The following FANCM variants were observed in gnomAD, a reference collection of about 807,000 sequenced individuals.
FANCM encodes Fanconi anemia group M protein.
Under a neutral mutation model 199.5 loss-of-function variants are expected in FANCM, and 140 were observed. That is an observed-to-expected ratio of 0.70 (90% CI 0.61 to 0.81). FANCM has a LOEUF of 0.81. FANCM is among the 30% of genes least tolerant of loss of function. FANCM has a pLI of 0.00. For missense variants in FANCM, 2,410 were observed against 2,421.4 expected (o/e 1.00, Z 0.10); for synonymous variants, 840 against 836.8 (o/e 1.00, Z -0.07).
Position 45,183,791 on chromosome 14 carries a change from T to C in FANCM, c.4404T>C (p.Ser1468=), listed in dbSNP as rs909610735. ...FPINRSELSS[S]DESENFPKPC... Reference sequence around the variant, plus strand: ...TATTATAGTCAGAATTATCATCTAGTGATGAGAGTGAGAATTTTCCCAAAC... The same window carrying C: ...TATTATAGTCAGAATTATCATCTAGCGATGAGAGTGAGAATTTTCCCAAAC... Residue 1468 remains serine (S), a synonymous_variant, in exon 17 of 23, where the codon AGT becomes AGC. Transcript: ENST00000267430. The C allele has an allele frequency of 6.2e-7, 1 of 1,606,024 alleles. No homozygotes were observed. The highest frequency in any genetic ancestry group is 1.1e-5 in the South Asian group (1 of 90,910).
chr14:45,187,812 T>G lies in FANCM; in HGVS notation c.4704T>G (p.Ser1568=), dbSNP rs779500691. The change falls in exon 19 of 23, where the codon TCT becomes TCG. Residue 1568 remains serine, a synonymous_variant. Transcript: ENST00000267430. ...DSEMRAIYMK[S]LRSPMMNNKY... The stretch of plus-strand genomic sequence containing the variant: ...AAATGAGAGCTATTTACATGAAATC[T>G]TTGCGTAGTCCAATGATGAACAATA... 6.3e-7 allele frequency: 1 copy of G among 1,581,854 alleles called. No individual in the cohort carries two copies.
rs1298918449 is a variant in FANCM, at chr14:45,189,251, C to T, written c.5229C>T (p.Ser1743=). 9.9e-6 allele frequency: 16 copies of T among 1,613,746 alleles called. No individual in the cohort carries two copies. The highest frequency in any genetic ancestry group is 4.0e-5 in the African/African-American group (3 of 74,884). ...QTSLNLKDTI[S]EVSDFKPQNH... ...CGCTGAATTTAAAGGATACAATTTC[C>T]GAAGTCTCAGACTTCAAACCTCAGA... The change falls in exon 20 of 23, where the codon TCC becomes TCT. Residue 1743 remains serine (S), a synonymous_variant. Transcript: ENST00000267430.
chr14:45,194,166 G>A (rs1039925756), intron 20 of FANCM, among the ~76,000 whole-genome samples: 4 of 151,926 alleles, frequency 2.6e-5, no homozygotes, highest in South Asian at 2.1e-4. Flanking sequence ...GCCAGGTGTC[G>A]TGGCAGGTGC....
rs748721088 is a variant in FANCM, at chr14:45,185,275, A to G, written c.4574A>G (p.Tyr1525Cys). ...GAACTTTCTGAAGAAGATGCAGAAT[A>G]TGTTTCATCAGATGAAAATGATGAG... is the stretch of plus-strand genomic sequence containing the variant. Reference protein sequence around the residue: ...EAELSEEDAEYVSSDENDESE... With the variant: ...EAELSEEDAECVSSDENDESE... Residue 1525 changes from tyrosine (Y) to cysteine (C), a missense_variant, in exon 18 of 23, where the codon TAT becomes TGT. Tyr to Cys is a radical substitution (Grantham distance 194, BLOSUM62 -2). Transcript: ENST00000267430. 4 of 1,602,528 alleles carry G rather than the reference A, an allele frequency of 2.5e-6. No individual in the cohort carries two copies. The South Asian group carries it at 3.3e-5, about 13-fold the overall frequency.
intron 11 of FANCM, 121 bp from the exon 12 acceptor site, chr14:45,170,468 G>T (rs1888264954): frequency 6.0e-6 from 4 of 666,254 alleles, no homozygotes; most frequent in Admixed American, 2.6e-5. Context: ...TGAGGTTACA[G>T]TGAGTTATGA....
intron 3 of FANCM, among the ~76,000 whole-genome samples, chr14:45,145,623 G>T (rs1423156866): frequency 6.6e-6 from 1 of 152,184 alleles, no homozygotes; most frequent in South Asian, 2.1e-4. Context: ...TGGTGTCCAT[G>T]ATTCAAGATT....
At chr14:45,141,305 A>AG (rs1566722428) in intron 3 of FANCM, among the ~76,000 whole-genome samples, 3 of 150,980 alleles carry the variant, frequency 2.0e-5, no homozygotes, top group Non-Finnish European at 4.4e-5. Flanking sequence ...AAAAAAAAAA[A>AG]AAAGAAAGCA....
chr14:45,193,755 T>C (rs182415006), intron 20 of FANCM, among the ~76,000 whole-genome samples: 2 of 152,202 alleles, frequency 1.3e-5, no homozygotes, highest in East Asian at 3.9e-4. Flanking sequence ...CTGAGTTTTC[T>C]AACTTTGTTT....
intron 20 of FANCM, among the ~76,000 whole-genome samples, chr14:45,193,952 C>A (rs1195586546): frequency 1.3e-5 from 2 of 152,002 alleles, no homozygotes; most frequent in Non-Finnish European, 2.9e-5. Flanking sequence ...AATGGGATGT[C>A]TTTTTATTTA....
intron 12 of FANCM, among the ~76,000 whole-genome samples, 176 bp downstream of exon 12, chr14:45,170,922 A>C (rs1025844627): frequency 6.6e-6 from 1 of 152,214 alleles, no homozygotes; most frequent in Non-Finnish European, 1.5e-5. Context: ...AAATCATTAA[A>C]GTCTAAGTTT....
intron 20 of FANCM, among the ~76,000 whole-genome samples, chr14:45,194,969 G>A (rs1182943430): frequency 1.3e-5 from 2 of 151,962 alleles, no homozygotes; most frequent in Non-Finnish European, 1.5e-5. Context: ...GGCTGGTCTC[G>A]AACTCCTGAC....
chr14:45,184,654 C>G (rs1302079950), intron 17 of FANCM, among the ~76,000 whole-genome samples: 1 of 134,732 alleles, frequency 7.4e-6, no homozygotes, highest in African/African-American at 2.9e-5. Context: ...AAGTGAGACT[C>G]TGTCTCAAAA....
chr14:45,174,126 G>T (rs1888512937), intron 13 of FANCM, among the ~76,000 whole-genome samples: 1 of 151,944 alleles, frequency 6.6e-6, no homozygotes, highest in East Asian at 1.9e-4. Flanking sequence ...GGTGGCTCAT[G>T]CCTGTAATCT....
chr14:45,198,540 G>T (rs969324048), intron 21 of FANCM, 104 bp from the exon 22 acceptor site: 7 of 697,632 alleles, frequency 1.0e-5, no homozygotes, highest in Admixed American at 8.4e-5. Flanking sequence ...GCACCAGTTT[G>T]CTCAATGGTG....
At chr14:45,193,585 T>C (rs1889893426) in intron 20 of FANCM, among the ~76,000 whole-genome samples, 1 of 152,208 alleles carries the variant, frequency 6.6e-6, no homozygotes, top group African/African-American at 2.4e-5. Context: ...AGTCCAGCTT[T>C]TGTTGTTGGT....
At position 45,141,287 on chromosome 14, in the gene FANCM, CA is replaced by C. The variant is rs534567010; in HGVS notation, c.759+599del. Among the ~76,000 whole-genome samples, 325 of 45,060 alleles carry C rather than the reference CA, an allele frequency of 7.2e-3. 1 individual carries two copies. Among genetic ancestry groups the C allele is most frequent in the African/African-American group, 0.017 (235 of 14,170 alleles). The allele number at this position is 45,060 out of a possible 152,430, so 29.6% of individuals were successfully genotyped here. ...TGGGCGACAGAGCGAGGCTCCGTCT[CA>C]AAAAAAAAAAAAAAAAAAAAGAAAG... On this transcript the variant is annotated intron_variant, in intron 3 of 22. Transcript: ENST00000267430.
At chr14:45,185,136 G>A (rs750373041) in intron 17 of FANCM, 81 bp from the exon 18 acceptor site, 1 of 997,910 alleles carries the variant, frequency 1.0e-6, no homozygotes, top group Non-Finnish European at 1.5e-6. Flanking sequence ...TAAGAAATCA[G>A]TTTTCCAGAA....
chr14:45,190,614 A>G (rs190251905), intron 20 of FANCM, among the ~76,000 whole-genome samples: 8 of 152,018 alleles, frequency 5.3e-5, no homozygotes, highest in Admixed American at 3.3e-4. Context: ...CTCTGCTTCT[A>G]CTTCTCTTTA....
intron 9 of FANCM, among the ~76,000 whole-genome samples, chr14:45,163,846 C>T (rs1473576536): frequency 6.6e-6 from 1 of 152,142 alleles, no homozygotes; most frequent in African/African-American, 2.4e-5. Flanking sequence ...ATTACTAAAG[C>T]AAAATAATTA....
Sources: gnomAD v4.1 joint callset for allele counts (sites outside exome capture counted in the v4.1 genomes callset) on GRCh38, gnomAD v4.1.1 for gene constraint, MANE v1.5 for transcripts, NCBI Gene and HGNC (gene_info 2026-07-23, HGNC 2026-07-21) for gene names.